DNAH14: variants seen among roughly 807,000 people sequenced by gnomAD.
DNAH14 encodes axonemal beta dynein heavy chain 14.
A neutral mutation model predicts 520.9 loss-of-function variants in DNAH14; 478 were observed. That is an observed-to-expected ratio of 0.92 (90% CI 0.85 to 0.99). DNAH14 has a LOEUF of 0.99. DNAH14 is among the 50% of genes least tolerant of loss of function. DNAH14 has a pLI of 0.00. For missense variants in DNAH14, 4,831 were observed against 5,234.5 expected, an observed-to-expected ratio of 0.92 and a Z score of 2.38; for synonymous variants, 1,581 against 1,757.2, an observed-to-expected ratio of 0.90 and a Z score of 2.51.
intron 11 of DNAH14, among the ~76,000 whole-genome samples, chr1:225,033,435 A>G (rs2066694993): frequency 6.6e-6 from 1 of 152,106 alleles, no homozygotes; most frequent in African/African-American, 2.4e-5. Context: ...CCATTGGTCT[A>G]TGTGCCTGTT....
intron 20 of DNAH14, 117 bp downstream of exon 20, chr1:225,082,856 G>A (rs1353327255): frequency 2.5e-6 from 2 of 795,106 alleles, no homozygotes; most frequent in Non-Finnish European, 3.9e-6. Context: ...AAGAGTGCCT[G>A]GGAAAATAAT....
intron 36 of DNAH14, among the ~76,000 whole-genome samples, chr1:225,176,999 G>T (rs956979598): frequency 6.6e-6 from 1 of 152,134 alleles, no homozygotes; most frequent in African/African-American, 2.4e-5. Flanking sequence ...CAGTTTGGAG[G>T]GCTCAGAAGA....
rs77953334 is a variant in DNAH14, at chr1:225,140,736, G to GAT, written c.4255-22_4255-21dup. The GAT allele has an allele frequency of 1.6e-3, 2,158 of 1,348,222 alleles. 50 individuals are homozygous for GAT. In the East Asian group the frequency reaches 0.045, roughly 28 times the overall value. The allele number at this position is 1,348,222 out of a possible 1,614,324, so 83.5% of individuals were successfully genotyped here. On this transcript the variant is annotated intron_variant, in intron 27 of 85. Transcript: ENST00000682510. Reference sequence around the variant, plus strand: ...CTTCAATTATATATATATAGAGAGAGATATATATATAACATTATCTTACTT... The same window carrying GAT: ...CTTCAATTATATATATATAGAGAGAGATATATATATATAACATTATCTTACTT...
At chr1:225,080,863 G>A in intron 19 of DNAH14, 115 bp downstream of exon 19, 1 of 1,114,176 alleles carries the variant, frequency 9.0e-7, no homozygotes. Context: ...TGACCATTAT[G>A]GCTAGAGCTA....
Position 225,159,343 on chromosome 1 carries a change from A to G in DNAH14, c.5303A>G (p.Asp1768Gly). Residue 1768 changes from aspartate (D) to glycine (G), a missense_variant, in exon 35 of 86, where the codon GAT (aspartate) becomes GGT (glycine). Transcript: ENST00000682510. ...ACCAGTGACAGTCTTTCTGAAGCAGATGAAACCTTGATTGTTATCGAGGCT... is the reference window on the plus strand; with the variant it reads ...ACCAGTGACAGTCTTTCTGAAGCAGGTGAAACCTTGATTGTTATCGAGGCT... ...CDTSDSLSEA[D>G]ETLIVIEAIR... The G allele has an allele frequency of 1.3e-6, 2 of 1,551,580 alleles. No homozygotes were observed. Among genetic ancestry groups the G allele is most frequent in the Non-Finnish European group, 1.7e-6 (2 of 1,146,860 alleles).
At chr1:225,125,474 T>A (rs1263631120) in intron 27 of DNAH14, among the ~76,000 whole-genome samples, 2 of 152,220 alleles carry the variant, frequency 1.3e-5, no homozygotes, top group African/African-American at 2.4e-5. Context: ...TTTGCACTTT[T>A]ACATTACTGA....
At chr1:225,366,956 T>G (rs989511680) in intron 76 of DNAH14, among the ~76,000 whole-genome samples, 1 of 151,840 alleles carries the variant, frequency 6.6e-6, no homozygotes, top group Non-Finnish European at 1.5e-5. Context: ...AATCCCACTA[T>G]ACACACACAG....
In DNAH14 at chr1:225,213,602, C is replaced by T. The variant is rs577549571; in HGVS notation, c.6439+6382C>T. 4.6e-5 allele frequency among the ~76,000 whole-genome samples: 7 copies of T among 152,268 alleles called. No individual in the cohort carries two copies. In the East Asian group the frequency reaches 1.4e-3, roughly 29 times the overall value. ...TTTCGTTGAGCAGTGGTTTCTAATT[C>T]TCCTTGAAGAGGTCCTTCACATCCC... On this transcript the variant is annotated intron_variant, in intron 41 of 85. Transcript: ENST00000682510.
At chr1:225,228,956 T>A (rs1314544579) in intron 41 of DNAH14, among the ~76,000 whole-genome samples, 1 of 152,114 alleles carries the variant, frequency 6.6e-6, no homozygotes, top group African/African-American at 2.4e-5. Context: ...GTAGAGGAGT[T>A]TATCTAAATA....
intron 58 of DNAH14, among the ~76,000 whole-genome samples, chr1:225,306,750 C>T (rs2094252174): frequency 1.3e-5 from 2 of 152,110 alleles, no homozygotes; most frequent in Admixed American, 6.6e-5. Flanking sequence ...AATGCGTGGG[C>T]CATGCCAGGA....
chr1:225,260,024 A>G (rs895167890), intron 46 of DNAH14, among the ~76,000 whole-genome samples: 2 of 152,110 alleles, frequency 1.3e-5, no homozygotes, highest in African/African-American at 4.8e-5. Flanking sequence ...TCCATTATAT[A>G]TATATACACA....
At chr1:225,096,594 A>G (rs2074997872) in intron 21 of DNAH14, among the ~76,000 whole-genome samples, 1 of 152,188 alleles carries the variant, frequency 6.6e-6, no homozygotes, top group African/African-American at 2.4e-5. Flanking sequence ...AAAATACTGA[A>G]GAAGACGTAT....
intron 8 of DNAH14, among the ~76,000 whole-genome samples, chr1:224,989,990 A>G (rs2062921316): frequency 6.7e-6 from 1 of 150,310 alleles, no homozygotes; most frequent in Non-Finnish European, 1.5e-5. Context: ...GGATCTTTGC[A>G]TGAGGAATGA....
At chr1:224,938,513 C>T (rs533338060) in intron 1 of DNAH14, among the ~76,000 whole-genome samples, 11 of 152,064 alleles carry the variant, frequency 7.2e-5, no homozygotes, top group East Asian at 1.9e-4. Flanking sequence ...TCAGTTAAAA[C>T]GACTTGTATC....
In DNAH14 at chr1:225,028,272, G is replaced by A. The variant is rs6695634; in HGVS notation, c.1358+4407G>A. Among the ~76,000 whole-genome samples, 760 of 152,008 alleles carry A rather than the reference G, an allele frequency of 5.0e-3. 6 individuals are homozygous for A. The highest frequency in any genetic ancestry group is 0.017 in the African/African-American group (717 of 41,482). On this transcript the variant is annotated intron_variant, in intron 11 of 85. Transcript: ENST00000682510. ...TGGGCCTCAGCTTTTGTGTGTGTGTGGGATGTATTAAAATTACTAATTAAA... is the reference window on the plus strand; with the variant it reads ...TGGGCCTCAGCTTTTGTGTGTGTGTAGGATGTATTAAAATTACTAATTAAA...
chr1:224,995,424 C>T (rs2063331135), intron 8 of DNAH14, among the ~76,000 whole-genome samples: 1 of 151,890 alleles, frequency 6.6e-6, no homozygotes, highest in African/African-American at 2.4e-5. Flanking sequence ...GATTGTTATA[C>T]TGGGATTTTT....
intron 43 of DNAH14, among the ~76,000 whole-genome samples, chr1:225,241,337 A>G (rs1471720677): frequency 6.6e-6 from 1 of 152,234 alleles, no homozygotes; most frequent in Non-Finnish European, 1.5e-5. Context: ...AGGTAAAGTG[A>G]TTGTTGATGC....
At chr1:224,990,120 G>A (rs1212215883) in intron 8 of DNAH14, among the ~76,000 whole-genome samples, 1 of 151,714 alleles carries the variant, frequency 6.6e-6, no homozygotes, top group Non-Finnish European at 1.5e-5. Flanking sequence ...AGAGATTGTT[G>A]TAGATTGGTG....
chr1:225,061,193 C>A (rs1212559693), intron 17 of DNAH14, among the ~76,000 whole-genome samples: 1 of 152,192 alleles, frequency 6.6e-6, no homozygotes, highest in East Asian at 1.9e-4. Flanking sequence ...CTTTGTTTAC[C>A]TACTCAAGCC....
Sources: gnomAD v4.1 joint callset for allele counts (sites outside exome capture counted in the v4.1 genomes callset) on GRCh38, gnomAD v4.1.1 for gene constraint, MANE v1.5 for transcripts, NCBI Gene and HGNC (gene_info 2026-07-23, HGNC 2026-07-21) for gene names.